ANO10: variants seen among roughly 807,000 people sequenced by gnomAD.
ANO10 encodes the protein anoctamin 10, also known as anoctamin-10.
A neutral mutation model predicts 74.7 loss-of-function variants in ANO10; 77 were observed. The observed-to-expected ratio is 1.03, with a 90% CI of 0.86 to 1.25. ANO10 has a LOEUF of 1.25. Among genes scored for constraint, ANO10 ranks in the 50% most tolerant of loss-of-function variants. ANO10 has a pLI of 0.00. For synonymous variants in ANO10, 279 were observed against 284.9 expected, an observed-to-expected ratio of 0.98 and a Z score of 0.21; for missense variants, 721 against 778.1, an observed-to-expected ratio of 0.93 and a Z score of 0.87.
intron 11 of ANO10, among the ~76,000 whole-genome samples, chr3:43,474,294 C>CT (rs2075982622): frequency 6.8e-6 from 1 of 147,340 alleles, no homozygotes; most frequent in Non-Finnish European, 1.5e-5. Flanking sequence ...GCTCAGAGGA[C>CT]TTTATCAGGA....
At chr3:43,383,440 C>A (rs1257458296) in intron 12 of ANO10, among the ~76,000 whole-genome samples, 2 of 130,780 alleles carry the variant, frequency 1.5e-5, no homozygotes, top group Admixed American at 8.9e-5. Flanking sequence ...GGCAACAGAG[C>A]GAGACTCTGT....
At chr3:43,525,854 G>T (rs17075759) in intron 11 of ANO10, among the ~76,000 whole-genome samples, 3,759 of 152,206 alleles carry the variant, frequency 0.025, 153 homozygotes, top group African/African-American at 0.085. Flanking sequence ...TCTAATGACA[G>T]TTGGTCACTT....
At chr3:43,664,924 T>TTGG (rs371944010) in intron 1 of ANO10, among the ~76,000 whole-genome samples, 16,162 of 151,954 alleles carry the variant, frequency 0.11, 1,241 homozygotes, top group South Asian at 0.23. Context: ...TTTTACACTG[T>TTGG]TGGGAGTGTA....
chr3:43,495,688 C>G (rs1402805944), intron 11 of ANO10, among the ~76,000 whole-genome samples: 1 of 151,986 alleles, frequency 6.6e-6, no homozygotes, highest in Non-Finnish European at 1.5e-5. Context: ...TTTTGCCTAT[C>G]CAATTTGTGA....
chr3:43,391,602 C>T (rs2092276328), intron 12 of ANO10, among the ~76,000 whole-genome samples: 1 of 152,202 alleles, frequency 6.6e-6, no homozygotes. Flanking sequence ...AAGCGACAGG[C>T]TCACTTCTGA....
chr3:43,548,388 T>C (rs965154768), intron 11 of ANO10, among the ~76,000 whole-genome samples: 1 of 152,208 alleles, frequency 6.6e-6, no homozygotes, highest in African/African-American at 2.4e-5. Flanking sequence ...CTCTCCAAAA[T>C]TCTATTCAAC....
chr3:43,607,347 C>A (rs867487731), intron 1 of ANO10, among the ~76,000 whole-genome samples: 227 of 147,574 alleles, frequency 1.5e-3, no homozygotes, highest in African/African-American at 3.0e-3. Flanking sequence ...AAAAAAAAAA[C>A]AAAACAAACA....
chr3:43,687,069 T>C (rs572966278), intron 1 of ANO10, among the ~76,000 whole-genome samples: 16 of 152,032 alleles, frequency 1.1e-4, no homozygotes, highest in African/African-American at 3.9e-4. Context: ...TTGACCCAGC[T>C]ACCACTTTCC....
At chr3:43,434,196 G>A (rs2093033119) in intron 11 of ANO10, among the ~76,000 whole-genome samples, 1 of 152,154 alleles carries the variant, frequency 6.6e-6, no homozygotes, top group Admixed American at 6.5e-5. Flanking sequence ...GAATAGACCA[G>A]GGACAGACAG....
intron 11 of ANO10, among the ~76,000 whole-genome samples, chr3:43,541,596 G>A (rs2078957163): frequency 6.6e-6 from 1 of 151,944 alleles, no homozygotes; most frequent in Non-Finnish European, 1.5e-5. Context: ...TAAGTAATTG[G>A]CACTAACTAT....
chr3:43,619,852 AGAGT>A (rs2083297484), intron 1 of ANO10, among the ~76,000 whole-genome samples: 1 of 150,776 alleles, frequency 6.6e-6, no homozygotes, highest in South Asian at 2.1e-4. Context: ...TTTGGGCAAC[AGAGT>A]GAGACCTTGT....
rs771135471 is a variant in ANO10 at position 43,577,148 on chromosome 3, C to T, written c.706G>A (p.Val236Met). 1 of 1,614,034 alleles carries T rather than the reference C, an allele frequency of 6.2e-7. No homozygotes were observed. The highest frequency in any genetic ancestry group is 1.7e-5 in the Admixed American group (1 of 60,002). ...ACGTACTTGTCATAGTCTTCCCACA[C>T]AAACAAGTAGTAAGGTAACCCAATG... The part of the protein sequence containing the change: ...AVIGLPYYLF[V>M]WEDYDKYVIF... The change falls in exon 6 of 13, where the codon GTG becomes ATG. Residue 236 changes from valine to methionine, a missense_variant. Transcript: ENST00000292246.
intron 11 of ANO10, among the ~76,000 whole-genome samples, chr3:43,471,291 T>C (rs1203171698): frequency 2.0e-5 from 3 of 152,194 alleles, no homozygotes; most frequent in African/African-American, 7.2e-5. Flanking sequence ...AAATAAAAGA[T>C]TTATTTTTTC....
intron 11 of ANO10, among the ~76,000 whole-genome samples, chr3:43,448,809 C>T (rs1358042990): frequency 6.6e-6 from 1 of 152,050 alleles, no homozygotes; most frequent in East Asian, 1.9e-4. Flanking sequence ...TGCATTTGCA[C>T]AGCAATGACT....
chr3:43,446,675 G>GACAAT (rs1408872933), intron 11 of ANO10, among the ~76,000 whole-genome samples: 4 of 152,094 alleles, frequency 2.6e-5, no homozygotes, highest in African/African-American at 9.7e-5. Flanking sequence ...GTTACAAAGT[G>GACAAT]ACAATAACAA....
intron 1 of ANO10, among the ~76,000 whole-genome samples, chr3:43,658,498 C>T (rs964493104): frequency 6.6e-6 from 1 of 151,844 alleles, no homozygotes; most frequent in Non-Finnish European, 1.5e-5. Context: ...GAGATGGAGT[C>T]TCGCACTGTT....
chr3:43,561,743 T>C (rs1389019011), intron 8 of ANO10, among the ~76,000 whole-genome samples: 4 of 152,218 alleles, frequency 2.6e-5, no homozygotes, highest in Admixed American at 6.5e-5. Context: ...AGAGGATGGA[T>C]ATGTTAACTA....
chr3:43,594,511 A>G (rs1285115601), intron 4 of ANO10, among the ~76,000 whole-genome samples: 2 of 152,324 alleles, frequency 1.3e-5, no homozygotes, highest in East Asian at 3.9e-4. Context: ...CTGAATGACT[A>G]CTGGGTACAA....
chr3:43,445,688 G>A (rs1347637764), intron 11 of ANO10, among the ~76,000 whole-genome samples: 1 of 151,798 alleles, frequency 6.6e-6, no homozygotes, highest in African/African-American at 2.4e-5. Context: ...TACAACACAG[G>A]CAATGCATTT....
Sources: allele counts gnomAD v4.1 joint callset (sites outside exome capture counted in the v4.1 genomes callset), GRCh38; gene constraint gnomAD v4.1.1; transcripts MANE v1.5; gene names NCBI Gene and HGNC (gene_info 2026-07-23, HGNC 2026-07-21).